The following COLEC10 variants were observed in gnomAD, a reference collection of about 807,000 sequenced individuals.
The protein encoded by COLEC10 is collectin-10.
COLEC10 carries 22 observed loss-of-function variants against 28.4 expected under a neutral mutation model. That is an observed-to-expected ratio of 0.78 (90% CI 0.55 to 1.11). The LOEUF is 1.11. COLEC10 is among the 50% of genes least tolerant of loss of function. The pLI, the probability that COLEC10 is intolerant of heterozygous loss-of-function variation, is 0.00. For missense variants in COLEC10, 361 were observed against 344.1 expected (o/e 1.05, Z -0.39); for synonymous variants, 125 against 116.1 (o/e 1.08, Z -0.49).
upstream of COLEC10, among the ~76,000 whole-genome samples, chr8:119,065,042 C>A (rs1218439711): frequency 6.6e-6 from 1 of 152,088 alleles, no homozygotes. Flanking sequence ...ATACTATAGG[C>A]CTGTTGTGAT....
the COLEC10 span, among the ~76,000 whole-genome samples, chr8:118,971,528 A>T: frequency 6.6e-6 from 1 of 151,962 alleles, no homozygotes; most frequent in Non-Finnish European, 1.5e-5. Context: ...AGCTCCAAAT[A>T]GTTCTAGGAA....
At chr8:119,017,498 A>G (rs887253280) in intron 2 of COLEC10, among the ~76,000 whole-genome samples, 1 of 152,156 alleles carries the variant, frequency 6.6e-6, no homozygotes, top group East Asian at 1.9e-4. Flanking sequence ...TCTGAGGCTG[A>G]AACCAGCTCT....
intron 1 of COLEC10, among the ~76,000 whole-genome samples, chr8:119,074,382 C>T (rs972834908): frequency 6.6e-6 from 1 of 152,008 alleles, no homozygotes; most frequent in Non-Finnish European, 1.5e-5. Context: ...ACCAAAATAT[C>T]TCATGCACCC....
chr8:119,091,595 G>GAGAGAGAGAA lies in COLEC10; in HGVS notation c.292+378_292+379insGAGAGAAAGA, dbSNP rs1250359009. Among the ~76,000 whole-genome samples, 361 of 138,492 alleles carry GAGAGAGAGAA rather than the reference G, an allele frequency of 2.6e-3. 6 individuals are homozygous for GAGAGAGAGAA. The East Asian group carries it at 0.039, about 15-fold the overall frequency. 90.9% of individuals were successfully genotyped at this position (138,492 alleles called of 152,430 possible). The stretch of plus-strand genomic sequence containing the variant: ...AGAAAGAGAGAGAGAGAGAGAGAGA[G>GAGAGAGAGAA]AGAAAGAAAGAAAGAAAGAAAGAAA... On this transcript the variant is annotated intron_variant, in intron 3 of 5. Coordinates refer to ENST00000332843, the MANE Select transcript of COLEC10 (RefSeq NM_006438.5).
intron 2 of COLEC10, among the ~76,000 whole-genome samples, chr8:119,031,888 A>G (rs1331610446): frequency 8.5e-6 from 1 of 117,768 alleles, no homozygotes; most frequent in Non-Finnish European, 1.7e-5. Flanking sequence ...CTTAATTTGG[A>G]AAATAGTGCC....
At chr8:119,030,939 T>G (rs1814276068) in intron 2 of COLEC10, among the ~76,000 whole-genome samples, 1 of 152,210 alleles carries the variant, frequency 6.6e-6, no homozygotes, top group Non-Finnish European at 1.5e-5. Context: ...AGACATTATC[T>G]AACAGTATCA....
At chr8:119,023,516 C>T (rs1351771629) in intron 2 of COLEC10, among the ~76,000 whole-genome samples, 4 of 152,044 alleles carry the variant, frequency 2.6e-5, no homozygotes, top group African/African-American at 9.7e-5. Context: ...AAACTTTGTT[C>T]CAAAGACTTA....
chr8:119,091,397 A>G (rs1015922796), intron 3 of COLEC10, among the ~76,000 whole-genome samples, 177 bp downstream of exon 3: 2 of 151,924 alleles, frequency 1.3e-5, no homozygotes, highest in Non-Finnish European at 2.9e-5. Flanking sequence ...AAAAAAAAAA[A>G]AAAATGAATT....
intron 3 of COLEC10, among the ~76,000 whole-genome samples, chr8:119,095,695 C>A (rs1815701001): frequency 6.6e-6 from 1 of 152,058 alleles, no homozygotes; most frequent in South Asian, 2.1e-4. Context: ...GAGTGAGATT[C>A]TATCTCAAAA....
At chr8:119,051,742 T>C (rs551217408) in intron 2 of COLEC10, among the ~76,000 whole-genome samples, 19 of 152,258 alleles carry the variant, frequency 1.2e-4, no homozygotes, top group African/African-American at 4.6e-4. Flanking sequence ...AAATTTTCAG[T>C]TTCTTAAATG....
chr8:119,024,317 T>C (rs1195915107), intron 2 of COLEC10, among the ~76,000 whole-genome samples: 1 of 151,988 alleles, frequency 6.6e-6, no homozygotes, highest in Non-Finnish European at 1.5e-5. Flanking sequence ...TGGAATAAAA[T>C]AGGAAAAAAA....
chr8:119,011,287 A>C (rs1813896741), intron 2 of COLEC10, among the ~76,000 whole-genome samples: 1 of 150,846 alleles, frequency 6.6e-6, no homozygotes, highest in South Asian at 2.1e-4. Context: ...TCAGTTGGCC[A>C]TATTTATATG....
chr8:119,096,349 T>G (rs1815716630), intron 3 of COLEC10, among the ~76,000 whole-genome samples: 1 of 152,214 alleles, frequency 6.6e-6, no homozygotes, highest in African/African-American at 2.4e-5. Context: ...CCCAGCACTT[T>G]GGGAAGCCAA....
At chr8:119,064,804 T>G (rs1490951857), upstream of COLEC10, among the ~76,000 whole-genome samples, 1 of 152,198 alleles carries the variant, frequency 6.6e-6, no homozygotes, top group Non-Finnish European at 1.5e-5. Flanking sequence ...ATTTGATTTT[T>G]TTTTTTTGGT....
At chr8:119,010,397 T>C (rs1309196035) in intron 2 of COLEC10, among the ~76,000 whole-genome samples, 2 of 151,048 alleles carry the variant, frequency 1.3e-5, no homozygotes, top group Non-Finnish European at 1.5e-5. Flanking sequence ...ACAATTTACT[T>C]ATCCATTTAC....
chr8:119,068,211 G>A (rs1286377197), intron 1 of COLEC10: 1 of 152,108 alleles, frequency 6.6e-6, no homozygotes, highest in African/African-American at 2.4e-5. Context: ...AATTGCAGCT[G>A]CCTAAAATTT....
chr8:119,104,688 T>A, intron 5 of COLEC10, among the ~76,000 whole-genome samples: 1 of 152,182 alleles, frequency 6.6e-6, no homozygotes, highest in East Asian at 1.9e-4. Flanking sequence ...AGATGCTGTC[T>A]CGTGTTCATC....
At chr8:119,070,602 C>CCTTTCTCTCT (rs2130231308) in intron 1 of COLEC10, among the ~76,000 whole-genome samples, 1 of 144,092 alleles carries the variant, frequency 6.9e-6, no homozygotes. Context: ...TCCCTCTCTC[C>CCTTTCTCTCT]CTTTCTCTCT....
At chr8:119,082,913 T>C (rs991575063) in intron 1 of COLEC10, among the ~76,000 whole-genome samples, 1 of 152,206 alleles carries the variant, frequency 6.6e-6, no homozygotes, top group Non-Finnish European at 1.5e-5. Flanking sequence ...TCCTCCTTTG[T>C]GCTCCCACAG....
Sources: gnomAD v4.1 joint callset for allele counts (sites outside exome capture counted in the v4.1 genomes callset) on GRCh38, gnomAD v4.1.1 for gene constraint, MANE v1.5 for transcripts, NCBI Gene and HGNC (gene_info 2026-07-23, HGNC 2026-07-21) for gene names.